Variants in PNLDC1 observed in about 807,000 individuals in gnomAD.
PNLDC1 encodes the protein poly(A)-specific ribonuclease PNLDC1.
PNLDC1 carries 70 observed loss-of-function variants against 82.0 expected under a neutral mutation model. The observed-to-expected ratio is 0.85, with a 90% confidence interval of 0.70 to 1.04. The LOEUF (loss-of-function observed/expected upper bound fraction) is 1.04. Ranked by LOEUF, PNLDC1 falls within the 50% of genes least tolerant of loss-of-function variation. PNLDC1 has a pLI of 0.00. For synonymous variants in PNLDC1, 280 were observed against 249.3 expected, an observed-to-expected ratio of 1.12 and a Z score of -1.16; for missense variants, 631 against 661.1, an observed-to-expected ratio of 0.95 and a Z score of 0.50.
intron 6 of PNLDC1, 124 bp from the exon 7 acceptor site, chr6:159,805,859 A>G: frequency 1.4e-6 from 1 of 706,826 alleles, no homozygotes; most frequent in Non-Finnish European, 2.5e-6. Context: ...TTCTTTTGGT[A>G]CATTTTCTTT....
Position 159,816,610 on chromosome 6 carries a change from T to A in PNLDC1, c.1114+14T>A, listed in dbSNP as rs547054259. 1 of 1,606,752 alleles carries A rather than the reference T, an allele frequency of 6.2e-7. No individual in the cohort carries two copies. The highest frequency in any genetic ancestry group is 1.7e-5 in the Admixed American group (1 of 59,446). On this transcript the variant is annotated intron_variant, in intron 14 of 18. Transcript: ENST00000392167. ...TCTGTGGGTCAGGTAAGGATTGCGG[T>A]TCCTTTAAAAGGAAACTCACTTTTT...
intron 7 of PNLDC1, among the ~76,000 whole-genome samples, chr6:159,808,452 A>T (rs1781525903): frequency 6.6e-6 from 1 of 152,022 alleles, no homozygotes; most frequent in African/African-American, 2.4e-5. Context: ...TTAATTTCTA[A>T]CATGTTTAAT....
In PNLDC1 at chr6:159,815,959, T is replaced by C; in HGVS notation, c.996-10T>C. The C allele has an allele frequency of 6.2e-7, 1 of 1,610,368 alleles. No homozygotes were observed. The highest frequency in any genetic ancestry group is 8.5e-7 in the Non-Finnish European group (1 of 1,177,348). On this transcript the variant is annotated splice_polypyrimidine_tract_variant and intron_variant, in intron 12 of 18. Transcript: ENST00000392167. ...AAATTGTTTTTTATTCTATTTTTCT[T>C]TTCCAATAGTGACTTGAATCCCACC...
chr6:159,803,953 G>A lies in PNLDC1; in HGVS notation c.249-12G>A. 1.9e-6 allele frequency: 3 copies of A among 1,604,108 alleles called. No homozygotes were observed. The highest frequency in any genetic ancestry group is 1.7e-6 in the Non-Finnish European group (2 of 1,177,138). ...GTTGTGGCTTTTTCTCTGTATGTTTGTTTTATTATAGGTATATAGCCCATT... is the reference window on the plus strand; with the variant it reads ...GTTGTGGCTTTTTCTCTGTATGTTTATTTTATTATAGGTATATAGCCCATT... On this transcript the variant is annotated splice_polypyrimidine_tract_variant and intron_variant, in intron 4 of 18. Coordinates refer to ENST00000392167, the MANE Select transcript of PNLDC1 (RefSeq NM_001271862.2).
rs79454626 is a variant in PNLDC1, at chr6:159,804,732, C to T, written c.461+95C>T. 17 of 869,970 alleles carry T rather than the reference C, an allele frequency of 2.0e-5. No homozygotes were observed. The African/African-American group carries it at 2.0e-4, about 10-fold the overall frequency. 53.9% of individuals were successfully genotyped at this position (869,970 alleles called of 1,614,324 possible). On this transcript the variant is annotated intron_variant, in intron 6 of 18. Transcript: ENST00000392167. ...GTGCCGTTTCCAGGAGTGTGGTGAC[C>T]TCCATCCATGCTTGGCGGGGATGGC... is the stretch of plus-strand genomic sequence containing the variant.
At chr6:159,811,590 T>C (rs1781646883) in intron 10 of PNLDC1, 111 bp from the exon 11 acceptor site, 2 of 771,656 alleles carry the variant, frequency 2.6e-6, no homozygotes, top group Non-Finnish European at 4.5e-6. Flanking sequence ...CCTGTTTTGT[T>C]TCAGTTTGCT....
rs1372446539 is a variant in PNLDC1 at position 159,817,158 on chromosome 6, G to A, written c.1157+7G>A. ...TTCTACAGAAGATATACCAGTAAGTGTTCTTTCTTTTCATCCTACTGTTCA... is the reference window on the plus strand; with the variant it reads ...TTCTACAGAAGATATACCAGTAAGTATTCTTTCTTTTCATCCTACTGTTCA... On this transcript the variant is annotated splice_region_variant and intron_variant, in intron 15 of 18. Transcript: ENST00000392167. The A allele has an allele frequency of 3.1e-6, 5 of 1,610,300 alleles. No homozygotes were observed. The South Asian group carries it at 5.5e-5, about 18-fold the overall frequency.
intron 3 of PNLDC1, among the ~76,000 whole-genome samples, chr6:159,802,813 C>T (rs1193364841): frequency 6.6e-6 from 1 of 151,942 alleles, no homozygotes; most frequent in East Asian, 1.9e-4. Context: ...GAATTCCTGA[C>T]CTCAAGTGAT....
In PNLDC1 at chr6:159,801,146, G is replaced by T; in HGVS notation, c.168G>T (p.Lys56Asn). Reference sequence around the variant, plus strand: ...ATTTGCCATCGGAGTGGTATCTAAAGACCCGTCAGAGTGTTCAGCAATTTA... The same window carrying T: ...ATTTGCCATCGGAGTGGTATCTAAATACCCGTCAGAGTGTTCAGCAATTTA... ...LFDLPSEWYL[K>N]TRQSVQQFTV... The change falls in exon 3 of 19, where the codon AAG becomes AAT. Residue 56 changes from lysine to asparagine, a missense_variant. Lys to Asn is a moderately conservative substitution (Grantham distance 94). Transcript: ENST00000392167. 1 of 1,614,218 alleles carries T rather than the reference G, an allele frequency of 6.2e-7. No homozygotes were observed. Among genetic ancestry groups the T allele is most frequent in the Non-Finnish European group, 8.5e-7 (1 of 1,180,050 alleles).
At chr6:159,817,060 T>C in intron 14 of PNLDC1, 49 bp from the exon 15 acceptor site, 1 of 1,531,700 alleles carries the variant, frequency 6.5e-7, no homozygotes, top group Non-Finnish European at 9.0e-7. Flanking sequence ...AGCATAAGCA[T>C]GCACATTTTG....
chr6:159,820,003 C>T (rs143193558), intron 18 of PNLDC1, among the ~76,000 whole-genome samples: 120 of 152,178 alleles, frequency 7.9e-4, no homozygotes, highest in Non-Finnish European at 1.4e-3. Flanking sequence ...ACTGTGGAGG[C>T]GAGACGCTGT....
At chr6:159,814,920 C>G (rs1273508111) in intron 12 of PNLDC1, among the ~76,000 whole-genome samples, 1 of 152,168 alleles carries the variant, frequency 6.6e-6, no homozygotes, top group Non-Finnish European at 1.5e-5. Flanking sequence ...TGACAACTAT[C>G]CCAATCCTAA....
chr6:159,808,700 G>A (rs747305263), intron 7 of PNLDC1, 40 bp from the exon 8 acceptor site: 8 of 1,567,196 alleles, frequency 5.1e-6, no homozygotes, highest in East Asian at 2.3e-5. Context: ...CATGCCACAC[G>A]GTTCCAGGTG....
At chr6:159,806,730 T>G (rs965718709) in intron 7 of PNLDC1, among the ~76,000 whole-genome samples, 2 of 152,210 alleles carry the variant, frequency 1.3e-5, no homozygotes, top group Non-Finnish European at 2.9e-5. Flanking sequence ...TTGGTTGTAT[T>G]AAATCTCAAT....
chr6:159,809,486 A>T (rs1427169752), intron 9 of PNLDC1, among the ~76,000 whole-genome samples: 6 of 138,172 alleles, frequency 4.3e-5, no homozygotes, highest in African/African-American at 1.4e-4. Flanking sequence ...TAGAGACGGG[A>T]TCTCGCAGTG....
intron 7 of PNLDC1, among the ~76,000 whole-genome samples, chr6:159,807,025 T>C (rs1407188607): frequency 1.3e-5 from 2 of 151,918 alleles, no homozygotes; most frequent in Admixed American, 1.3e-4. Flanking sequence ...CCTGAGTAGC[T>C]GGGATTACAG....
Position 159,808,867 on chromosome 6 carries a change from A to G in PNLDC1, c.639+51A>G, listed in dbSNP as rs750733793. The stretch of plus-strand genomic sequence containing the variant: ...TCAGTGGCTCCATTGTTTCTCTCTC[A>G]TAATTGGCCAAATCTGGCCTCTGAA... On this transcript the variant is annotated intron_variant, in intron 8 of 18. Transcript: ENST00000392167. 8 of 1,603,908 alleles carry G rather than the reference A, an allele frequency of 5.0e-6. No individual in the cohort carries two copies. In the South Asian group the frequency reaches 8.8e-5, roughly 18 times the overall value.
intron 15 of PNLDC1, among the ~76,000 whole-genome samples, chr6:159,817,871 G>A (rs773537865): frequency 6.6e-6 from 1 of 152,224 alleles, no homozygotes; most frequent in African/African-American, 2.4e-5. Flanking sequence ...AGCAGTGGAT[G>A]TTATAAATAC....
At chr6:159,816,420 G>A in intron 13 of PNLDC1, 123 bp from the exon 14 acceptor site, 2 of 883,824 alleles carry the variant, frequency 2.3e-6, no homozygotes, top group Admixed American at 3.4e-5. Flanking sequence ...TGTGGGCCTG[G>A]AGAAGGGTAT....
Sources: allele counts gnomAD v4.1 joint callset (sites outside exome capture counted in the v4.1 genomes callset), GRCh38; gene constraint gnomAD v4.1.1; transcripts MANE v1.5; gene names NCBI Gene and HGNC (gene_info 2026-07-23, HGNC 2026-07-21).